Variants in ARB2A observed in about 807,000 individuals in gnomAD.
ARB2A encodes cotranscriptional regulator ARB2A.
the ARB2A span, among the ~76,000 whole-genome samples, chr5:93,793,501 C>T: frequency 6.6e-6 from 1 of 152,010 alleles, no homozygotes. Context: ...CCTCATGTAG[C>T]CTCCATGAGG....
At chr5:93,958,178 A>G in the ARB2A span, among the ~76,000 whole-genome samples, 2 of 152,102 alleles carry the variant, frequency 1.3e-5, no homozygotes. Context: ...TTTGAATGCA[A>G]ATAAGAATAA....
the ARB2A span, chr5:93,683,465 G>A: frequency 6.3e-7 from 1 of 1,595,900 alleles, no homozygotes; most frequent in East Asian, 2.2e-5. Context: ...GGAAACTGTT[G>A]GCTGTACAGA....
the ARB2A span, among the ~76,000 whole-genome samples, chr5:93,902,276 T>G: frequency 6.6e-6 from 1 of 152,156 alleles, no homozygotes; most frequent in South Asian, 2.1e-4. Context: ...CTACCCTAAA[T>G]GTTACTCAGT....
chr5:93,984,088 C>A, the ARB2A span, among the ~76,000 whole-genome samples: 1 of 151,922 alleles, frequency 6.6e-6, no homozygotes, highest in Non-Finnish European at 1.5e-5. Context: ...TGCAAAATTT[C>A]TTGATTCTGA....
the ARB2A span, among the ~76,000 whole-genome samples, chr5:93,670,129 C>A: frequency 3.9e-5 from 6 of 152,158 alleles, no homozygotes; most frequent in African/African-American, 1.4e-4. Flanking sequence ...TTGGACACTT[C>A]TTCCCATCTC....
the ARB2A span, among the ~76,000 whole-genome samples, chr5:94,102,101 T>TA: frequency 0.05 from 5,666 of 114,284 alleles, 124 homozygotes; most frequent in African/African-American, 0.074. Context: ...AATTCCAAAG[T>TA]AAAAAAAAAA....
chr5:93,975,013 C>G, the ARB2A span, among the ~76,000 whole-genome samples: 1 of 151,984 alleles, frequency 6.6e-6, no homozygotes, highest in East Asian at 1.9e-4. Flanking sequence ...ATGACTGCAT[C>G]AAGAAAACAG....
At chr5:93,936,333 G>A in the ARB2A span, among the ~76,000 whole-genome samples, 1 of 152,074 alleles carries the variant, frequency 6.6e-6, no homozygotes, top group Admixed American at 6.5e-5. Context: ...GAGAGATTAT[G>A]GAAGTCTATG....
the ARB2A span, among the ~76,000 whole-genome samples, chr5:93,871,545 C>T: frequency 5.3e-5 from 8 of 151,920 alleles, no homozygotes; most frequent in African/African-American, 1.7e-4. Context: ...TGTTTGAGGC[C>T]GAGTTTTCCT....
chr5:93,940,460 C>CT, the ARB2A span, among the ~76,000 whole-genome samples: 12 of 151,792 alleles, frequency 7.9e-5, no homozygotes, highest in Non-Finnish European at 1.3e-4. Flanking sequence ...GTAGATATGT[C>CT]TTTTTCATAT....
At chr5:94,099,365 CT>C in the ARB2A span, among the ~76,000 whole-genome samples, 597 of 152,100 alleles carry the variant, frequency 3.9e-3, no homozygotes, top group Non-Finnish European at 6.1e-3. Flanking sequence ...TGGCTCATGC[CT>C]GTAATCCCAG....
At chr5:93,711,530 C>T in the ARB2A span, among the ~76,000 whole-genome samples, 1 of 152,154 alleles carries the variant, frequency 6.6e-6, no homozygotes, top group Admixed American at 6.5e-5. Context: ...CCAGGCAGGA[C>T]TTCCGAAGAT....
chr5:93,911,862 T>C, the ARB2A span, among the ~76,000 whole-genome samples: 2 of 151,732 alleles, frequency 1.3e-5, no homozygotes, highest in African/African-American at 4.8e-5. Flanking sequence ...TCCTATCAGC[T>C]GTATTCTTAC....
At chr5:93,911,858 C>G in the ARB2A span, among the ~76,000 whole-genome samples, 1 of 151,670 alleles carries the variant, frequency 6.6e-6, no homozygotes, top group Admixed American at 6.6e-5. Flanking sequence ...GGATTCCTAT[C>G]AGCTGTATTC....
the ARB2A span, chr5:93,776,048 C>T: frequency 2.4e-6 from 2 of 845,886 alleles, no homozygotes; most frequent in Non-Finnish European, 3.7e-6. Context: ...ATTCATCTAA[C>T]AACTCAAAGA....
At chr5:93,620,926 G>A in the ARB2A span, 2 of 1,579,942 alleles carry the variant, frequency 1.3e-6, no homozygotes, top group African/African-American at 1.4e-5. Flanking sequence ...CTCGACACAA[G>A]CAGTGAGGAG....
the ARB2A span, among the ~76,000 whole-genome samples, chr5:93,694,311 C>T: frequency 6.6e-6 from 1 of 152,134 alleles, no homozygotes; most frequent in Non-Finnish European, 1.5e-5. Flanking sequence ...CCCCGAATCC[C>T]CTTAAGCTGA....
At chr5:94,020,933 A>G in the ARB2A span, among the ~76,000 whole-genome samples, 3 of 152,100 alleles carry the variant, frequency 2.0e-5, no homozygotes, top group Admixed American at 6.5e-5. Context: ...ATCCTGTTTG[A>G]AAAACACTGA....
At chr5:94,071,752 T>C in the ARB2A span, among the ~76,000 whole-genome samples, 1 of 152,110 alleles carries the variant, frequency 6.6e-6, no homozygotes, top group East Asian at 1.9e-4. Context: ...GGTTCTTTCA[T>C]ACGTGACTGG....
Sources: allele counts gnomAD v4.1 joint callset (sites outside exome capture counted in the v4.1 genomes callset), GRCh38; gene constraint gnomAD v4.1.1; transcripts MANE v1.5; gene names NCBI Gene and HGNC (gene_info 2026-07-23, HGNC 2026-07-21).